Variants in MUSK observed in about 807,000 individuals in gnomAD.
The protein encoded by MUSK is muscle, skeletal receptor tyrosine-protein kinase.
A neutral mutation model predicts 88.7 loss-of-function variants in MUSK; 55 were observed. The observed-to-expected ratio is 0.62, with a 90% confidence interval of 0.50 to 0.78. MUSK has a LOEUF of 0.78. Ranked by LOEUF, MUSK falls within the 30% of genes least tolerant of loss-of-function variation. The pLI is 0.00. For synonymous variants in MUSK, 387 were observed against 391.9 expected (o/e 0.99, Z 0.15); for missense variants, 1,015 against 1,074.3 (o/e 0.94, Z 0.77).
At chr9:110,775,473 T>C (rs1387996060) in intron 9 of MUSK, 2 of 341,834 alleles carry the variant, frequency 5.9e-6, no homozygotes, top group African/African-American at 2.1e-5. Flanking sequence ...TGTGTTGTTA[T>C]TTGAATATGA....
intron 6 of MUSK, among the ~76,000 whole-genome samples, chr9:110,735,967 C>G (rs1224164045): frequency 2.0e-5 from 3 of 152,116 alleles, no homozygotes; most frequent in Non-Finnish European, 4.4e-5. Flanking sequence ...CCAATCACCC[C>G]ACGCCAGGCC....
intron 5 of MUSK, among the ~76,000 whole-genome samples, chr9:110,714,248 A>T (rs886267531): frequency 2.0e-5 from 3 of 152,196 alleles, no homozygotes; most frequent in African/African-American, 7.2e-5. Flanking sequence ...AAAAACAAGT[A>T]AACTTTGTGT....
intron 11 of MUSK, among the ~76,000 whole-genome samples, chr9:110,781,005 A>G (rs967365828): frequency 6.6e-6 from 1 of 151,968 alleles, no homozygotes; most frequent in African/African-American, 2.4e-5. Flanking sequence ...CATTTGCTGC[A>G]GGGCATAGTC....
At position 110,800,320 on chromosome 9, in the gene MUSK, G is replaced by A. The variant is rs201291910; in HGVS notation, c.1942G>A (p.Gly648Arg). The A allele has an allele frequency of 1.9e-4, 301 of 1,608,868 alleles. No individual in the cohort carries two copies. The highest frequency in any genetic ancestry group is 2.4e-4 in the Non-Finnish European group (279 of 1,176,128). The stretch of plus-strand genomic sequence containing the variant: ...TTTGGTTCCAGGAGTGTGTGCTGTC[G>A]GGAAGCCAATGTGCCTGCTCTTTGA... The part of the protein sequence containing the change: ...IVKLLGVCAV[G>R]KPMCLLFEYM... Residue 648 changes from glycine (G) to arginine (R), a missense_variant, in exon 15 of 15, where the codon GGG (glycine) becomes AGG (arginine). Physicochemically the swap from Gly to Arg is moderately radical, Grantham distance 125. Transcript: ENST00000374448.
At chr9:110,776,846 G>A (rs1001406802) in intron 11 of MUSK, among the ~76,000 whole-genome samples, 191 bp downstream of exon 11, 14 of 152,098 alleles carry the variant, frequency 9.2e-5, no homozygotes, top group Non-Finnish European at 1.9e-4. Flanking sequence ...CTTTTAATTA[G>A]ACCGTAGAGA....
At chr9:110,710,794 A>G (rs1190905878) in intron 5 of MUSK, among the ~76,000 whole-genome samples, 1 of 152,194 alleles carries the variant, frequency 6.6e-6, no homozygotes, top group Non-Finnish European at 1.5e-5. Flanking sequence ...CTGAGCTTAT[A>G]TCATATTTTA....
chr9:110,695,980 C>T (rs2131715946), intron 4 of MUSK, among the ~76,000 whole-genome samples: 1 of 152,196 alleles, frequency 6.6e-6, no homozygotes, highest in South Asian at 2.1e-4. Context: ...AAGACTCATA[C>T]ACAAATACCT....
At chr9:110,744,608 G>A (rs760165407) in intron 6 of MUSK, among the ~76,000 whole-genome samples, 12 of 151,982 alleles carry the variant, frequency 7.9e-5, no homozygotes, top group Admixed American at 6.6e-4. Flanking sequence ...GATCTTTATT[G>A]TATACATTTA....
At chr9:110,671,490 G>T (rs570101333) in intron 1 of MUSK, among the ~76,000 whole-genome samples, 22 of 152,198 alleles carry the variant, frequency 1.4e-4, no homozygotes, top group Non-Finnish European at 7.4e-5. Context: ...GTATTCAGTG[G>T]ATTATTTTCT....
At chr9:110,735,904 A>C (rs1047843629) in intron 6 of MUSK, among the ~76,000 whole-genome samples, 1 of 152,094 alleles carries the variant, frequency 6.6e-6, no homozygotes, top group African/African-American at 2.4e-5. Context: ...TATCATGAGA[A>C]CAGCACTGAG....
intron 3 of MUSK, among the ~76,000 whole-genome samples, chr9:110,689,768 T>TAAC (rs2076282640): frequency 1.9e-5 from 1 of 51,364 alleles, no homozygotes; most frequent in Non-Finnish European, 3.5e-5. Context: ...AAACTATATA[T>TAAC]ATCACATATA....
At chr9:110,669,249 C>T (rs1453672480) in intron 1 of MUSK, among the ~76,000 whole-genome samples, 1 of 152,136 alleles carries the variant, frequency 6.6e-6, no homozygotes, top group African/African-American at 2.4e-5. Flanking sequence ...AAAACATAAG[C>T]ATGTACACTG....
At chr9:110,747,618 T>G (rs777232719) in intron 6 of MUSK, 23 bp from the exon 7 acceptor site, 1 of 1,597,334 alleles carries the variant, frequency 6.3e-7, no homozygotes, top group Non-Finnish European at 8.6e-7. Context: ...ACTGAGTTCT[T>G]TTATTTTCCT....
chr9:110,788,350 G>A (rs1478262477), intron 14 of MUSK, among the ~76,000 whole-genome samples: 3 of 151,504 alleles, frequency 2.0e-5, no homozygotes, highest in South Asian at 2.1e-4. Context: ...CTGTGCTCTC[G>A]GCTGGGAGCA....
intron 5 of MUSK, among the ~76,000 whole-genome samples, chr9:110,708,610 C>T (rs150572738): frequency 1.3e-5 from 2 of 152,192 alleles, no homozygotes; most frequent in African/African-American, 2.4e-5. Context: ...GAGCTTGACC[C>T]ATTGATTTTG....
At chr9:110,756,843 A>ATGTG (rs767205372) in intron 7 of MUSK, among the ~76,000 whole-genome samples, 1 of 149,680 alleles carries the variant, frequency 6.7e-6, no homozygotes, top group Admixed American at 6.7e-5. Context: ...GTCAAGTTGT[A>ATGTG]TGTGTGTGTG....
chr9:110,776,570 C>T, intron 10 of MUSK, 62 bp from the exon 11 acceptor site: 1 of 1,377,036 alleles, frequency 7.3e-7, no homozygotes, highest in Non-Finnish European at 1.0e-6. Context: ...CTCACTCTCT[C>T]ACAGAATATG....
chr9:110,707,858 T>C (rs1482932267), intron 5 of MUSK, among the ~76,000 whole-genome samples: 1 of 151,828 alleles, frequency 6.6e-6, no homozygotes, highest in African/African-American at 2.4e-5. Context: ...TTTTGGGGAG[T>C]AGCAAGGGAA....
At chr9:110,758,221 C>T (rs2077352290) in intron 7 of MUSK, among the ~76,000 whole-genome samples, 2 of 152,154 alleles carry the variant, frequency 1.3e-5, no homozygotes, top group South Asian at 4.1e-4. Context: ...GCCTGGGTCT[C>T]CCAAAGTGCT....
Sources: allele counts gnomAD v4.1 joint callset (sites outside exome capture counted in the v4.1 genomes callset), GRCh38; gene constraint gnomAD v4.1.1; transcripts MANE v1.5; gene names NCBI Gene and HGNC (gene_info 2026-07-23, HGNC 2026-07-21).